The following AUTS2 variants were observed in gnomAD, a reference collection of about 807,000 sequenced individuals.
AUTS2 encodes the protein activator of transcription and developmental regulator AUTS2.
In AUTS2, 17 loss-of-function variants were observed where a neutral mutation model predicts 112.4. The ratio of observed to expected loss-of-function variants is 0.15; its 90% confidence interval spans 0.10 to 0.23. The LOEUF (loss-of-function observed/expected upper bound fraction) is 0.23, where lower values mean the gene tolerates loss of function less well. AUTS2 is among the 10% of genes least tolerant of loss of function. AUTS2 has a pLI of 1.00. For synonymous variants in AUTS2, 751 were observed against 702.7 expected (o/e 1.07, Z -1.09); for missense variants, 1,510 against 1,701.6 (o/e 0.89, Z 1.98).
At chr7:69,849,485 A>G (rs1023037212) in intron 1 of AUTS2, among the ~76,000 whole-genome samples, 3 of 151,970 alleles carry the variant, frequency 2.0e-5, no homozygotes, top group Non-Finnish European at 2.9e-5. Context: ...AGATCTCCCT[A>G]TTGCTTCCTT....
intron 1 of AUTS2, among the ~76,000 whole-genome samples, chr7:69,612,569 C>T (rs1008186473): frequency 1.3e-5 from 2 of 152,084 alleles, no homozygotes; most frequent in Admixed American, 1.3e-4. Context: ...AAGTGATCTT[C>T]TCACCTCAGC....
intron 6 of AUTS2, among the ~76,000 whole-genome samples, chr7:70,700,626 C>T (rs772024281): frequency 3.3e-5 from 5 of 152,072 alleles, no homozygotes; most frequent in African/African-American, 4.8e-5. Flanking sequence ...GGGAAAGCAT[C>T]GGGGACAGTT....
chr7:69,601,556 T>TTGGTGG lies in AUTS2; in HGVS notation c.309+1609_309+1614dup, dbSNP rs753483852. Reference sequence around the variant, plus strand: ...CCAGTGGTTGGGAGTAAGGGAGGTATTGGTGGTGGTGGTGGTGGTGCAGGT... The same window carrying TTGGTGG: ...CCAGTGGTTGGGAGTAAGGGAGGTATTGGTGGTGGTGGTGGTGGTGGTGGTGCAGGT... On this transcript the variant is annotated intron_variant, in intron 1 of 18. Coordinates refer to ENST00000342771, the MANE Select transcript of AUTS2 (RefSeq NM_015570.4). Among the ~76,000 whole-genome samples, 8 of 151,406 alleles carry TTGGTGG rather than the reference T, an allele frequency of 5.3e-5. No homozygotes were observed. The East Asian group carries it at 1.5e-3, about 29-fold the overall frequency.
intron 4 of AUTS2, among the ~76,000 whole-genome samples, chr7:70,189,026 C>A (rs1809749223): frequency 6.6e-6 from 1 of 152,002 alleles, no homozygotes; most frequent in Non-Finnish European, 1.5e-5. Flanking sequence ...CCAAGAACAG[C>A]CAGAATTGCC....
At chr7:70,182,623 G>A (rs1017563792) in intron 4 of AUTS2, among the ~76,000 whole-genome samples, 5 of 152,128 alleles carry the variant, frequency 3.3e-5, no homozygotes, top group Admixed American at 2.0e-4. Context: ...TAGAAATAGA[G>A]TGAATGTTTT....
In AUTS2 at chr7:70,582,870, C is replaced by T. The variant is rs554062162; in HGVS notation, c.691-115699C>T. Among the ~76,000 whole-genome samples, 199 of 152,232 alleles carry T rather than the reference C, an allele frequency of 1.3e-3. No homozygotes were observed. In the Middle Eastern group the frequency reaches 0.014, roughly 10 times the overall value. On this transcript the variant is annotated intron_variant, in intron 5 of 18. Coordinates refer to ENST00000342771, the MANE Select transcript of AUTS2 (RefSeq NM_015570.4). The stretch of plus-strand genomic sequence containing the variant: ...GTTGTATATATAACCTAGATTATGT[C>T]CCTATAAAGTGAGTTTGTAACGACT...
intron 5 of AUTS2, among the ~76,000 whole-genome samples, chr7:70,548,927 C>T (rs917274378): frequency 1.1e-4 from 16 of 142,454 alleles, no homozygotes; most frequent in African/African-American, 4.1e-4. Context: ...AATTTCTACC[C>T]CCCCCCCAAA....
At chr7:70,632,897 C>T (rs1805337777) in intron 5 of AUTS2, among the ~76,000 whole-genome samples, 1 of 152,146 alleles carries the variant, frequency 6.6e-6, no homozygotes, top group Non-Finnish European at 1.5e-5. Flanking sequence ...CAGGCTGGAC[C>T]TTTAAGGTTC....
intron 5 of AUTS2, among the ~76,000 whole-genome samples, chr7:70,482,325 C>T (rs992363331): frequency 2.0e-5 from 3 of 152,218 alleles, no homozygotes; most frequent in South Asian, 2.1e-4. Context: ...GTGGCTTCCT[C>T]GTCTTATTAG....
chr7:69,706,412 G>A (rs1031822172), intron 1 of AUTS2, among the ~76,000 whole-genome samples: 2 of 152,128 alleles, frequency 1.3e-5, no homozygotes, highest in Non-Finnish European at 2.9e-5. Flanking sequence ...GAGAAGTAAG[G>A]ACTCTATCTT....
At chr7:69,988,650 T>C (rs917568766) in intron 2 of AUTS2, among the ~76,000 whole-genome samples, 5 of 152,226 alleles carry the variant, frequency 3.3e-5, no homozygotes, top group Non-Finnish European at 1.5e-5. Context: ...ATTGAATGAA[T>C]GAGTGAATCA....
chr7:70,115,725 G>A (rs1805324309), intron 2 of AUTS2, among the ~76,000 whole-genome samples: 1 of 152,196 alleles, frequency 6.6e-6, no homozygotes, highest in Non-Finnish European at 1.5e-5. Flanking sequence ...TACTGCTTAT[G>A]AATTGGAGGG....
chr7:69,673,687 G>T lies in AUTS2; in HGVS notation c.309+73725G>T, dbSNP rs951739217. Among the ~76,000 whole-genome samples the T allele has an allele frequency of 3.3e-5, 5 of 152,148 alleles. 1 individual carries two copies. Among genetic ancestry groups the T allele is most frequent in the African/African-American group, 1.2e-4 (5 of 41,426 alleles). On this transcript the variant is annotated intron_variant, in intron 1 of 18. Coordinates refer to ENST00000342771, the MANE Select transcript of AUTS2 (RefSeq NM_015570.4). ...CTGTCAATAGTCTGAATTCCTTATT[G>T]GTAGAAAGGTCTTATAATTATGGGG...
intron 5 of AUTS2, among the ~76,000 whole-genome samples, chr7:70,612,174 T>G (rs1585377537): frequency 6.6e-6 from 1 of 152,372 alleles, no homozygotes; most frequent in East Asian, 1.9e-4. Flanking sequence ...TACCATAGCC[T>G]TCTTTGTTCT....
chr7:70,307,307 A>C (rs1789535863), intron 4 of AUTS2, among the ~76,000 whole-genome samples: 1 of 152,172 alleles, frequency 6.6e-6, no homozygotes, highest in Admixed American at 6.5e-5. Context: ...ATCATACCTG[A>C]CCATCACTAT....
At chr7:69,975,713 G>A (rs1798027640) in intron 2 of AUTS2, among the ~76,000 whole-genome samples, 1 of 151,014 alleles carries the variant, frequency 6.6e-6, no homozygotes, top group African/African-American at 2.4e-5. Flanking sequence ...TTTTGAGGTG[G>A]AGTCTGCTCG....
chr7:69,990,677 T>C (rs1219821806), intron 2 of AUTS2, among the ~76,000 whole-genome samples: 1 of 152,206 alleles, frequency 6.6e-6, no homozygotes, highest in Non-Finnish European at 1.5e-5. Flanking sequence ...AAATATCCAC[T>C]GGAATGTTAG....
chr7:70,055,577 G>C (rs1801956923), intron 2 of AUTS2, among the ~76,000 whole-genome samples: 1 of 152,206 alleles, frequency 6.6e-6, no homozygotes, highest in Admixed American at 6.5e-5. Flanking sequence ...CCAACATGCT[G>C]TGGACCTTTA....
At chr7:69,804,228 G>T (rs986403029) in intron 1 of AUTS2, among the ~76,000 whole-genome samples, 16 of 152,160 alleles carry the variant, frequency 1.1e-4, no homozygotes, top group Admixed American at 6.5e-5. Flanking sequence ...GTTGCTGGGG[G>T]AGTGGGTGTG....
Sources: gnomAD v4.1 joint callset for allele counts (sites outside exome capture counted in the v4.1 genomes callset) on GRCh38, gnomAD v4.1.1 for gene constraint, MANE v1.5 for transcripts, NCBI Gene and HGNC (gene_info 2026-07-23, HGNC 2026-07-21) for gene names.